Variants in RBM10 observed in about 807,000 individuals in gnomAD.
The protein encoded by RBM10 is RNA-binding protein 10.
A neutral mutation model predicts 84.9 loss-of-function variants in RBM10; 1 was observed. That is an observed-to-expected ratio of 0.01 (90% CI 0.00 to 0.06). The LOEUF is 0.06. Among genes scored for constraint, RBM10 ranks in the 10% least tolerant of loss-of-function variants. The probability of loss-of-function intolerance (pLI) is 1.00; values close to 1 mark genes in which losing one functional copy is unlikely to be tolerated. For missense variants in RBM10, 438 were observed against 839.0 expected, an observed-to-expected ratio of 0.52 and a Z score of 5.90; for synonymous variants, 326 against 344.5, an observed-to-expected ratio of 0.95 and a Z score of 0.60.
chrX:47,185,034 C>T (rs1556781421), intron 17 of RBM10, 21 bp from the exon 18 acceptor site: 1 of 1,202,175 alleles, frequency 8.3e-7, no homozygotes, highest in Non-Finnish European at 1.1e-6. Flanking sequence ...CTGGGAACCT[C>T]ACCTCCACCC....
chrX:47,147,152 G>A (rs951923962), intron 1 of RBM10, among the ~76,000 whole-genome samples: 1 of 111,802 alleles, frequency 8.9e-6, no homozygotes, highest in Non-Finnish European at 1.9e-5. Flanking sequence ...CTAGGGCAGT[G>A]GGCTCTAGCC....
chrX:47,148,642 T>G (rs1237441918), intron 2 of RBM10, among the ~76,000 whole-genome samples: 4 of 87,654 alleles, frequency 4.6e-5, no homozygotes, highest in Non-Finnish European at 6.8e-5. Context: ...ATACATATCA[T>G]AGAAAATGTA....
At position 47,147,364 on chromosome X, in the gene RBM10, G is replaced by T. The variant is rs1556762384; in HGVS notation, c.-118G>T. 8.3e-7 allele frequency: 1 copy of T among 1,199,258 alleles called. No individual in the cohort carries two copies. The highest frequency in any genetic ancestry group is 1.1e-6 in the Non-Finnish European group (1 of 888,700). ...TCCCTCCACTCTCCCCAGAGTCCCT[G>T]CAGGAAGCATCACCCAGGCTGGCAG... On this transcript the variant is annotated 5_prime_UTR_variant, in exon 2 of 24. Coordinates refer to ENST00000377604, the MANE Select transcript of RBM10 (RefSeq NM_005676.5).
intron 17 of RBM10, among the ~76,000 whole-genome samples, chrX:47,183,629 C>T (rs1375028198): frequency 1.8e-5 from 2 of 111,196 alleles, no homozygotes; most frequent in African/African-American, 6.5e-5. Flanking sequence ...GATGGATGCT[C>T]TAAGAACCCT....
In RBM10 at chrX:47,171,161, G is replaced by GGGAGGAGGA; in HGVS notation, c.351_359dup (p.Glu117_Glu119dup). On this transcript the variant is annotated inframe_insertion, in exon 4 of 24. Coordinates refer to ENST00000377604, the MANE Select transcript of RBM10 (RefSeq NM_005676.5). ...GACCAGGACTATCGGACCGAGCAAG[G>GGGAGGAGGA]GGAGGAGGAGGAGGAGGAGGAGGAT... The GGGAGGAGGA allele has an allele frequency of 8.3e-7, 1 of 1,207,121 alleles. No homozygotes were observed. Among genetic ancestry groups the GGGAGGAGGA allele is most frequent in the Non-Finnish European group, 1.1e-6 (1 of 893,343 alleles).
At position 47,186,525 on chromosome X, in the gene RBM10, G is replaced by A; in HGVS notation, c.2719G>A (p.Gly907Arg). Reference sequence around the variant, plus strand: ...CCTGGGTGCACGGGGCAGCTCCTACGGGGTCACCTCAACCGAGTCCTACAA... The same window carrying A: ...CCTGGGTGCACGGGGCAGCTCCTACAGGGTCACCTCAACCGAGTCCTACAA... ...SGLGARGSSYGVTSTESYKET... is the reference protein window; with the variant it reads ...SGLGARGSSYRVTSTESYKET... The change falls in exon 24 of 24, where the codon GGG becomes AGG. Residue 907 changes from glycine to arginine, a missense_variant. By Grantham distance (125) the Gly-to-Arg change is moderately radical. Around this residue, in one of 8 missense-constraint regions of RBM10, gnomAD observed 92 missense variants for 199.9 expected, o/e 0.46. Transcript: ENST00000377604. The A allele has an allele frequency of 8.3e-7, 1 of 1,209,815 alleles. No homozygotes were observed. Among genetic ancestry groups the A allele is most frequent in the African/African-American group, 1.7e-5 (1 of 57,442 alleles).
At chrX:47,155,244 C>G in intron 2 of RBM10, among the ~76,000 whole-genome samples, 1 of 108,304 alleles carries the variant, frequency 9.2e-6, no homozygotes, top group East Asian at 2.9e-4. Flanking sequence ...TTACCTAGAA[C>G]AGTACTTATC....
intron 4 of RBM10, 109 bp from the exon 5 acceptor site, chrX:47,173,017 CTG>C (rs1302134326): frequency 9.3e-6 from 11 of 1,182,832 alleles, no homozygotes; most frequent in Admixed American, 2.4e-5. Flanking sequence ...GCGGAGGAGA[CTG>C]TGTGCACATC....
chrX:47,181,338 G>T lies in RBM10; in HGVS notation c.1372G>T (p.Gly458Cys), dbSNP rs1556779189. The T allele has an allele frequency of 8.3e-7, 1 of 1,200,074 alleles. No individual in the cohort carries two copies. The change falls in exon 13 of 24, where the codon GGC becomes TGC. Residue 458 changes from glycine (G) to cysteine (C), a missense_variant. Physicochemically the swap from Gly to Cys is radical, Grantham distance 159. Around this residue, in one of 8 missense-constraint regions of RBM10, gnomAD observed 97 missense variants for 110.3 expected, o/e 0.88. Coordinates refer to ENST00000377604, the MANE Select transcript of RBM10 (RefSeq NM_005676.5). ...CACAGAGTCTTCCCTCTATGCCCAT[G>T]GCTACCTCAAGGGCACCAAGGGCCC... ...QGTESSLYAH[G>C]YLKGTKGPGI...
intron 2 of RBM10, among the ~76,000 whole-genome samples, chrX:47,165,527 A>G (rs1200362518): frequency 4.7e-5 from 5 of 105,370 alleles, no homozygotes; most frequent in African/African-American, 1.4e-4. Context: ...AAGAAAAAAA[A>G]AAAAAAAGAG....
chrX:47,170,978 G>T, intron 3 of RBM10, 50 bp from the exon 4 acceptor site: 1 of 1,168,938 alleles, frequency 8.6e-7, no homozygotes. Context: ...TCCTAGGCCT[G>T]CCCAGACTGA....
Position 47,185,807 on chromosome X carries a change from C to T in RBM10, c.2430+17C>T. The T allele has an allele frequency of 8.3e-7, 1 of 1,207,041 alleles. No individual in the cohort carries two copies. Among genetic ancestry groups the T allele is most frequent in the South Asian group, 1.8e-5 (1 of 55,857 alleles). ...GACATGGAGGTGAGGTGTGACCTGA[C>T]CCTGGGCTCCCTCCCCTGTGTCCCT... On this transcript the variant is annotated intron_variant, in intron 21 of 23. Coordinates refer to ENST00000377604, the MANE Select transcript of RBM10 (RefSeq NM_005676.5).
At chrX:47,148,493 T>C (rs1325101727) in intron 2 of RBM10, among the ~76,000 whole-genome samples, 1 of 111,412 alleles carries the variant, frequency 9.0e-6, no homozygotes, top group African/African-American at 3.3e-5. Flanking sequence ...GTTTCTGTCA[T>C]AGGTCAGCAA....
chrX:47,145,475 G>C lies in RBM10; in HGVS notation c.-136G>C. On this transcript the variant is annotated 5_prime_UTR_variant, in exon 1 of 24. Coordinates refer to ENST00000377604, the MANE Select transcript of RBM10 (RefSeq NM_005676.5). ...TCTGGGAGCCCTTCCTTGACAGCCC[G>C]GGCCGAGAAGGTGAGCGTCGACGCT... 1 of 1,154,305 alleles carries C rather than the reference G, an allele frequency of 8.7e-7. No individual in the cohort carries two copies. The highest frequency in any genetic ancestry group is 1.1e-6 in the Non-Finnish European group (1 of 872,250).
chrX:47,150,459 C>T (rs1338904683), intron 2 of RBM10, among the ~76,000 whole-genome samples: 1 of 112,268 alleles, frequency 8.9e-6, no homozygotes, highest in East Asian at 2.8e-4. Context: ...TGAGCCACTG[C>T]GCCCAGCCTA....
rs184282556 is a variant in RBM10 at position 47,186,247 on chromosome X, C to T, written c.2538-11C>T. 634 of 1,209,354 alleles carry T rather than the reference C, an allele frequency of 5.2e-4. 3 individuals carry two copies. In the African/African-American group the frequency reaches 8.7e-3, roughly 17 times the overall value. On this transcript the variant is annotated splice_polypyrimidine_tract_variant and intron_variant, in intron 22 of 23. Coordinates refer to ENST00000377604, the MANE Select transcript of RBM10 (RefSeq NM_005676.5). Reference sequence around the variant, plus strand: ...CAGGCCGACCACTCATGCTGTGCACCGCCCCTGCAGAGACTTCGAGCAGCC... The same window carrying T: ...CAGGCCGACCACTCATGCTGTGCACTGCCCCTGCAGAGACTTCGAGCAGCC...
chrX:47,178,347 C>T (rs1394261651), intron 7 of RBM10, among the ~76,000 whole-genome samples: 1 of 111,618 alleles, frequency 9.0e-6, no homozygotes, highest in Admixed American at 9.5e-5. Flanking sequence ...TTCTGGGCAT[C>T]CCAGGTCAAA....
At position 47,181,550 on chromosome X, in the gene RBM10, G is replaced by A. The variant is rs781934331; in HGVS notation, c.1479G>A (p.Met493Ile). Residue 493 changes from methionine (M) to isoleucine (I), a missense_variant, in exon 14 of 24, where the codon ATG (methionine) becomes ATA (isoleucine). Met to Ile is a conservative substitution (Grantham distance 10). Around this residue, in one of 8 missense-constraint regions of RBM10, gnomAD observed 97 missense variants for 110.3 expected, o/e 0.88. Coordinates refer to ENST00000377604, the MANE Select transcript of RBM10 (RefSeq NM_005676.5). ...AGCCTGGGGCCGACTCTGTGTCGAT[G>A]CAGGCTTTCTCTCGCGCCCAGCCTG... ...SLEPGADSVS[M>I]QAFSRAQPGA... 4 of 1,211,472 alleles carry A rather than the reference G, an allele frequency of 3.3e-6. No homozygotes were observed. The highest frequency in any genetic ancestry group is 4.5e-6 in the Non-Finnish European group (4 of 895,357).
chrX:47,165,503 G>T (rs1316242263), intron 2 of RBM10, among the ~76,000 whole-genome samples: 1 of 85,064 alleles, frequency 1.2e-5, no homozygotes, highest in East Asian at 4.1e-4. Context: ...CAACAAGAGT[G>T]AAACTTGTCT....
Sources: allele counts gnomAD v4.1 joint callset (sites outside exome capture counted in the v4.1 genomes callset), GRCh38; gene constraint gnomAD v4.1.1; regional missense constraint gnomAD v4.1.1; transcripts MANE v1.5; gene names NCBI Gene and HGNC (gene_info 2026-07-23, HGNC 2026-07-21).